The following CLTCL1 variants were observed in gnomAD, a reference collection of about 807,000 sequenced individuals.
CLTCL1 encodes clathrin heavy chain 2.
A neutral mutation model predicts 190.0 loss-of-function variants in CLTCL1; 159 were observed. The ratio of observed to expected loss-of-function variants is 0.84; its 90% CI spans 0.74 to 0.95. The LOEUF (loss-of-function observed/expected upper bound fraction) is 0.95. Among genes scored for constraint, CLTCL1 ranks in the 40% least tolerant of loss-of-function variants. The pLI, the probability that CLTCL1 is intolerant of heterozygous loss-of-function variation, is 0.00. For synonymous variants in CLTCL1, 752 were observed against 769.6 expected (o/e 0.98, Z 0.38); for missense variants, 1,878 against 2,033.4 (o/e 0.92, Z 1.47).
At chr22:19,223,836 C>T (rs1398441291) in intron 14 of CLTCL1, 55 bp downstream of exon 14, 3 of 1,604,470 alleles carry the variant, frequency 1.9e-6, no homozygotes, top group Middle Eastern at 2.1e-4. Flanking sequence ...GGATGGTCTG[C>T]CCCACCTGCC....
chr22:19,285,141 G>A (rs2087860111), intron 1 of CLTCL1, among the ~76,000 whole-genome samples: 2 of 151,820 alleles, frequency 1.3e-5, no homozygotes, highest in African/African-American at 4.8e-5. Flanking sequence ...TGGACGTGGT[G>A]GTGGGTGCCT....
chr22:19,203,936 C>T (rs2084974417), intron 22 of CLTCL1, among the ~76,000 whole-genome samples: 1 of 152,256 alleles, frequency 6.6e-6, no homozygotes, highest in Non-Finnish European at 1.5e-5. Flanking sequence ...TCCTCACACC[C>T]CACTTGGCAG....
chr22:19,191,461 G>T lies in CLTCL1; in HGVS notation c.4192-26C>A, dbSNP rs782203605. On this transcript the variant is annotated intron_variant, in intron 26 of 32. Coordinates refer to ENST00000427926, the MANE Select transcript of CLTCL1 (RefSeq NM_007098.4). ...CTGTGGTGAGCAAAGCTGAGGGTCAGTCCCTGCCGCTGTCTCCAGATACCC... is the reference window on the plus strand; with the variant it reads ...CTGTGGTGAGCAAAGCTGAGGGTCATTCCCTGCCGCTGTCTCCAGATACCC... The T allele has an allele frequency of 9.9e-6, 16 of 1,610,096 alleles. No individual in the cohort carries two copies. The South Asian group carries it at 1.8e-4, about 18-fold the overall frequency.
intron 14 of CLTCL1, 34 bp downstream of exon 14, chr22:19,223,840 ACCTGCCATCAGCAAGGG>A: frequency 1.2e-6 from 2 of 1,606,150 alleles, no homozygotes; most frequent in East Asian, 4.5e-5. Context: ...GGTCTGCCCC[ACCTGCCATCAGCAAGGG>A]CAGCTCATGG....
rs201506683 is a variant in CLTCL1, at chr22:19,234,615, C to G, written c.1061G>C (p.Arg354Pro). The change falls in exon 7 of 33, where the codon CGT becomes CCT. Residue 354 changes from arginine to proline, a missense_variant. By Grantham distance (103) the Arg-to-Pro change is moderately radical. Coordinates refer to ENST00000427926, the MANE Select transcript of CLTCL1 (RefSeq NM_007098.4). ...CTTCTCTGCCCCAGCCAGGTTACTA[C>G]GAACGGCCAAACGCAGACCAAGGTC... ...NPDLGLRLAV[R>P]SNLAGAEKLF... 1.2e-6 allele frequency: 2 copies of G among 1,613,896 alleles called. No homozygotes were observed. The highest frequency in any genetic ancestry group is 8.5e-7 in the Non-Finnish European group (1 of 1,179,902).
chr22:19,245,535 T>C (rs553468072), intron 3 of CLTCL1, among the ~76,000 whole-genome samples: 7 of 152,254 alleles, frequency 4.6e-5, no homozygotes, highest in Non-Finnish European at 8.8e-5. Context: ...CAAAACAAAA[T>C]GAACCATTTT....
chr22:19,262,301 C>G (rs1601683715), intron 2 of CLTCL1, among the ~76,000 whole-genome samples: 2 of 151,324 alleles, frequency 1.3e-5, no homozygotes, highest in East Asian at 4.0e-4. Context: ...GCTGGGATTA[C>G]AGGCATAAGC....
At chr22:19,180,873 G>A (rs980443012) in intron 30 of CLTCL1, 67 bp from the exon 31 acceptor site, 16 of 1,411,108 alleles carry the variant, frequency 1.1e-5, no homozygotes, top group African/African-American at 2.8e-5. Flanking sequence ...AGGTGAAAGT[G>A]GAGTGGAAGG....
intron 1 of CLTCL1, among the ~76,000 whole-genome samples, chr22:19,280,255 T>C (rs185458185): frequency 1.1e-3 from 172 of 152,256 alleles, no homozygotes; most frequent in Admixed American, 2.8e-3. Flanking sequence ...AGGCCTTCTT[T>C]GGATGCTGAT....
intron 29 of CLTCL1, among the ~76,000 whole-genome samples, chr22:19,185,216 G>A (rs1031799617): frequency 5.3e-5 from 8 of 152,226 alleles, no homozygotes; most frequent in Non-Finnish European, 7.3e-5. Context: ...CTGCCTCTAC[G>A]GCCTATACAC....
intron 26 of CLTCL1, among the ~76,000 whole-genome samples, chr22:19,194,142 C>T (rs1276309520): frequency 6.6e-6 from 1 of 152,112 alleles, no homozygotes; most frequent in Non-Finnish European, 1.5e-5. Context: ...GGTGCATTTA[C>T]AATCCTTTAG....
At chr22:19,184,597 C>A (rs2146200605) in intron 29 of CLTCL1, 1 of 455,538 alleles carries the variant, frequency 2.2e-6, no homozygotes, top group Non-Finnish European at 4.4e-6. Flanking sequence ...TGGGTCTCCG[C>A]TTTGAGGACC....
At chr22:19,181,613 G>C (rs2084141405) in intron 30 of CLTCL1, 2 of 152,362 alleles carry the variant, frequency 1.3e-5, no homozygotes, top group Non-Finnish European at 2.9e-5. Context: ...TGGCCCTCAA[G>C]CTTCCCAGAT....
chr22:19,206,876 T>C (rs9617778), intron 22 of CLTCL1, among the ~76,000 whole-genome samples: 1,827 of 152,330 alleles, frequency 0.012, 31 homozygotes, highest in African/African-American at 0.042. Context: ...CTTATCTACA[T>C]GGCGGACTCC....
intron 3 of CLTCL1, among the ~76,000 whole-genome samples, chr22:19,253,617 T>G (rs2086663587): frequency 6.6e-6 from 1 of 152,190 alleles, no homozygotes; most frequent in Non-Finnish European, 1.5e-5. Context: ...CAAAGGTAAA[T>G]TAAGATTATT....
At position 19,200,311 on chromosome 22, in the gene CLTCL1, T is replaced by C. The variant is rs2084840957; in HGVS notation, c.3766-470A>G. Among the ~76,000 whole-genome samples the C allele has an allele frequency of 2.6e-5, 4 of 152,344 alleles. No individual in the cohort carries two copies. The South Asian group carries it at 8.3e-4, about 32-fold the overall frequency. On this transcript the variant is annotated intron_variant, in intron 23 of 32. Transcript: ENST00000427926. Reference sequence around the variant, plus strand: ...AGCCTTGAGAAGTGCAGAATTCCCCTGTACAAAAATAATCACATAAGCCAG... The same window carrying C: ...AGCCTTGAGAAGTGCAGAATTCCCCCGTACAAAAATAATCACATAAGCCAG...
chr22:19,218,846 C>T (rs2085474396), intron 18 of CLTCL1, among the ~76,000 whole-genome samples: 1 of 152,204 alleles, frequency 6.6e-6, no homozygotes, highest in South Asian at 2.1e-4. Flanking sequence ...ACCCCTGGCC[C>T]CAGCACTCTG....
rs560179248 is a variant in CLTCL1, at chr22:19,278,061, A to C, written c.43-2231T>G. Among the ~76,000 whole-genome samples the C allele has an allele frequency of 3.3e-4, 51 of 152,254 alleles. 1 individual carries two copies. The South Asian group carries it at 9.8e-3, about 29-fold the overall frequency. ...ATACTGATGAACCGCCAGATGGAAG[A>C]GGCGCATAGAGAAAGGCGCGAGGGG... On this transcript the variant is annotated intron_variant, in intron 1 of 32. Transcript: ENST00000427926.
At chr22:19,239,159 C>T (rs1244737710) in intron 5 of CLTCL1, 116 bp downstream of exon 5, 2 of 809,342 alleles carry the variant, frequency 2.5e-6, no homozygotes, top group Non-Finnish European at 4.2e-6. Context: ...GGTTTGAAAG[C>T]ATCACAGTGG....
Sources: gnomAD v4.1 joint callset for allele counts (sites outside exome capture counted in the v4.1 genomes callset) on GRCh38, gnomAD v4.1.1 for gene constraint, MANE v1.5 for transcripts, NCBI Gene and HGNC (gene_info 2026-07-23, HGNC 2026-07-21) for gene names.